PTGER3: variants seen among roughly 807,000 people sequenced by gnomAD.
PTGER3 encodes the protein prostaglandin E2 receptor EP3 subtype.
A neutral mutation model predicts 34.7 loss-of-function variants in PTGER3; 22 were observed. The observed-to-expected ratio is 0.63, with a 90% CI of 0.45 to 0.91. The LOEUF (loss-of-function observed/expected upper bound fraction) is 0.91. PTGER3 is among the 40% of genes least tolerant of loss of function. The pLI is 0.00. For missense variants in PTGER3, 468 were observed against 519.4 expected (o/e 0.90, Z 0.96); for synonymous variants, 241 against 230.1 (o/e 1.05, Z -0.43).
At chr1:70,973,248 TA>T (rs1044879212) in intron 3 of PTGER3, among the ~76,000 whole-genome samples, 2 of 150,992 alleles carry the variant, frequency 1.3e-5, no homozygotes, top group African/African-American at 2.4e-5. Context: ...GATAGATAGA[TA>T]GATAGATAGA....
At chr1:70,888,912 C>A (rs1023116793) in intron 4 of PTGER3, among the ~76,000 whole-genome samples, 2 of 152,168 alleles carry the variant, frequency 1.3e-5, no homozygotes, top group Non-Finnish European at 2.9e-5. Context: ...ATGTGCATAA[C>A]AATTTGCAGC....
chr1:71,002,810 A>T (rs1983588), intron 2 of PTGER3, among the ~76,000 whole-genome samples: 1 of 152,058 alleles, frequency 6.6e-6, no homozygotes, highest in Non-Finnish European at 1.5e-5. Context: ...TGTTGAAACT[A>T]ACAAAGGACA....
chr1:70,869,815 G>A (rs957321724), intron 4 of PTGER3, among the ~76,000 whole-genome samples: 12 of 152,252 alleles, frequency 7.9e-5, no homozygotes, highest in African/African-American at 2.4e-4. Flanking sequence ...CTGTAGCTTC[G>A]CAGGGTTCGG....
chr1:71,006,965 G>T (rs1181820959), intron 2 of PTGER3: 8 of 985,342 alleles, frequency 8.1e-6, no homozygotes, highest in Admixed American at 6.2e-5. Flanking sequence ...AAAGTCTAAC[G>T]TACTTTTCAT....
At chr1:70,973,305 T>C (rs1426339360) in intron 3 of PTGER3, among the ~76,000 whole-genome samples, 1 of 152,088 alleles carries the variant, frequency 6.6e-6, no homozygotes, top group Non-Finnish European at 1.5e-5. Context: ...GGGAAGGATA[T>C]AGGATTATAA....
chr1:70,975,458 GAAATAA>G (rs1179382950), intron 2 of PTGER3, among the ~76,000 whole-genome samples: 1 of 152,062 alleles, frequency 6.6e-6, no homozygotes, highest in Admixed American at 6.5e-5. Context: ...AAAGGAGAAA[GAAATAA>G]AATCCAGTGT....
At chr1:70,928,628 G>A (rs1319586366) in intron 4 of PTGER3, among the ~76,000 whole-genome samples, 7 of 151,902 alleles carry the variant, frequency 4.6e-5, no homozygotes, top group African/African-American at 1.7e-4. Context: ...ATGAAACCCC[G>A]TCTGAAAACA....
At chr1:71,025,680 G>T (rs901187425) in intron 1 of PTGER3, among the ~76,000 whole-genome samples, 1 of 152,198 alleles carries the variant, frequency 6.6e-6, no homozygotes. Flanking sequence ...TACTATAAGA[G>T]ACTATGCTTG....
intron 4 of PTGER3, among the ~76,000 whole-genome samples, chr1:70,920,597 AAGT>A (rs1386368487): frequency 3.3e-5 from 5 of 152,204 alleles, no homozygotes; most frequent in Admixed American, 6.5e-5. Context: ...CTATAGCCCA[AAGT>A]ATAGGTAATA....
At chr1:70,995,604 A>G (rs1557723847) in intron 2 of PTGER3, among the ~76,000 whole-genome samples, 1 of 152,172 alleles carries the variant, frequency 6.6e-6, no homozygotes, top group Non-Finnish European at 1.5e-5. Flanking sequence ...TTAATTGACA[A>G]GTAAAAATTA....
At chr1:71,038,289 T>C (rs1257141314) in intron 1 of PTGER3, among the ~76,000 whole-genome samples, 1 of 152,230 alleles carries the variant, frequency 6.6e-6, no homozygotes, top group Non-Finnish European at 1.5e-5. Flanking sequence ...AAAGTATATG[T>C]TTTAAATTAC....
intron 4 of PTGER3, among the ~76,000 whole-genome samples, chr1:70,896,059 T>C (rs188452890): frequency 1.3e-5 from 2 of 152,322 alleles, no homozygotes; most frequent in Non-Finnish European, 2.9e-5. Context: ...ATTCCTAAAA[T>C]TTTAGGAGTT....
At chr1:70,936,065 A>T (rs978566576) in intron 4 of PTGER3, among the ~76,000 whole-genome samples, 1 of 152,204 alleles carries the variant, frequency 6.6e-6, no homozygotes, top group African/African-American at 2.4e-5. Flanking sequence ...AGAAAAGGAC[A>T]TCACAAAAAT....
chr1:70,871,683 C>T (rs542489391), intron 4 of PTGER3, among the ~76,000 whole-genome samples: 274 of 152,206 alleles, frequency 1.8e-3, no homozygotes, highest in African/African-American at 6.1e-3. Context: ...CCTGAAGTCA[C>T]ACTAAGAATT....
At chr1:71,006,424 A>G in intron 2 of PTGER3, 1 of 985,318 alleles carries the variant, frequency 1.0e-6, no homozygotes, top group Non-Finnish European at 1.2e-6. Context: ...AACCACCAAT[A>G]CTCAGCTCAC....
chr1:70,975,700 C>CA (rs1653621473), intron 2 of PTGER3, among the ~76,000 whole-genome samples: 1 of 152,080 alleles, frequency 6.6e-6, no homozygotes, highest in Non-Finnish European at 1.5e-5. Context: ...TTCTTTGCAG[C>CA]AAAAATTACA....
chr1:70,885,785 A>G (rs1646485701), intron 4 of PTGER3, among the ~76,000 whole-genome samples: 1 of 152,216 alleles, frequency 6.6e-6, no homozygotes. Flanking sequence ...GATAAATGCT[A>G]TTACAGTTGT....
intron 1 of PTGER3, among the ~76,000 whole-genome samples, chr1:71,022,412 G>C (rs1658499291): frequency 6.6e-6 from 1 of 151,916 alleles, no homozygotes; most frequent in Non-Finnish European, 1.5e-5. Context: ...GGACTTGATG[G>C]ACAATACAGA....
intron 4 of PTGER3, among the ~76,000 whole-genome samples, chr1:70,879,607 G>A (rs1202094017): frequency 6.6e-6 from 1 of 152,008 alleles, no homozygotes; most frequent in Non-Finnish European, 1.5e-5. Flanking sequence ...AATTAAAATA[G>A]TTACCCCTGC....
Sources: gnomAD v4.1 joint callset for allele counts (sites outside exome capture counted in the v4.1 genomes callset) on GRCh38, gnomAD v4.1.1 for gene constraint, MANE v1.5 for transcripts, NCBI Gene and HGNC (gene_info 2026-07-23, HGNC 2026-07-21) for gene names.